The following CFAP299 variants were observed in gnomAD, a reference collection of about 807,000 sequenced individuals.
CFAP299 encodes cilia and flagella associated protein 299.
Under a neutral mutation model 27.0 loss-of-function variants are expected in CFAP299, and 21 were observed. The observed-to-expected ratio is 0.78, with a 90% confidence interval of 0.55 to 1.12. The LOEUF (loss-of-function observed/expected upper bound fraction) is 1.12, where lower values mean the gene tolerates loss of function less well. Ranked by LOEUF, CFAP299 falls within the 50% of genes most tolerant of loss-of-function variation. CFAP299 has a pLI of 0.00. For missense variants in CFAP299, 310 were observed against 276.6 expected (o/e 1.12, Z -0.86); for synonymous variants, 104 against 98.1 (o/e 1.06, Z -0.36).
intron 2 of CFAP299, among the ~76,000 whole-genome samples, chr4:80,399,099 A>G (rs2110046773): frequency 6.6e-6 from 1 of 152,376 alleles, no homozygotes; most frequent in East Asian, 1.9e-4. Context: ...AATGCTCATC[A>G]TCACTGGCCA....
chr4:80,566,984 G>A (rs868424699), intron 2 of CFAP299, among the ~76,000 whole-genome samples: 4 of 150,594 alleles, frequency 2.7e-5, no homozygotes, highest in African/African-American at 4.9e-5. Context: ...AATTTCTTAC[G>A]GAGAAGCCAA....
At chr4:80,408,469 T>A (rs1340247290) in intron 2 of CFAP299, among the ~76,000 whole-genome samples, 2 of 152,240 alleles carry the variant, frequency 1.3e-5, no homozygotes, top group African/African-American at 2.4e-5. Flanking sequence ...TTGCCCTTTT[T>A]AAAAATCTAT....
intron 3 of CFAP299, among the ~76,000 whole-genome samples, chr4:80,855,510 C>T (rs1429035016): frequency 6.6e-6 from 1 of 152,156 alleles, no homozygotes; most frequent in Admixed American, 6.5e-5. Context: ...CACCGACTAA[C>T]TCGTCATCTA....
chr4:80,436,794 T>C (rs1236353134), intron 2 of CFAP299, among the ~76,000 whole-genome samples: 1 of 152,142 alleles, frequency 6.6e-6, no homozygotes, highest in Non-Finnish European at 1.5e-5. Context: ...CTGTCTTTTG[T>C]CCCCTGCATT....
chr4:80,447,802 T>A (rs1728719695), intron 2 of CFAP299, among the ~76,000 whole-genome samples: 1 of 152,218 alleles, frequency 6.6e-6, no homozygotes, highest in Non-Finnish European at 1.5e-5. Context: ...TTTGACATAA[T>A]CCTCCCACCC....
At chr4:80,321,603 T>A in the CFAP299 span, among the ~76,000 whole-genome samples, 10 of 152,056 alleles carry the variant, frequency 6.6e-5, no homozygotes, top group Non-Finnish European at 1.5e-4. Context: ...GGGGAGGTGG[T>A]GTTCAAAGAC....
intron 4 of CFAP299, among the ~76,000 whole-genome samples, chr4:80,921,037 G>A (rs1266399856): frequency 6.6e-6 from 1 of 151,934 alleles, no homozygotes; most frequent in Non-Finnish European, 1.5e-5. Context: ...CTAAGTTTTT[G>A]TAGCGTTTCC....
At chr4:80,604,878 A>G (rs865955815) in intron 3 of CFAP299, among the ~76,000 whole-genome samples, 7 of 101,510 alleles carry the variant, frequency 6.9e-5, no homozygotes, top group South Asian at 4.7e-4. Flanking sequence ...TCCCCAGAGG[A>G]CAATATAATA....
At chr4:80,730,392 A>G (rs1723449872) in intron 3 of CFAP299, among the ~76,000 whole-genome samples, 1 of 151,686 alleles carries the variant, frequency 6.6e-6, no homozygotes, top group Admixed American at 6.6e-5. Flanking sequence ...TGGTTGTGTC[A>G]CTGAGGCCAT....
chr4:80,950,079 G>A (rs1176344996), intron 5 of CFAP299, among the ~76,000 whole-genome samples: 1 of 152,084 alleles, frequency 6.6e-6, no homozygotes, highest in African/African-American at 2.4e-5. Context: ...CTTATATTAT[G>A]TATATCTATC....
chr4:80,840,636 TG>T (rs1212162171), intron 3 of CFAP299, among the ~76,000 whole-genome samples: 1 of 152,148 alleles, frequency 6.6e-6, no homozygotes, highest in Non-Finnish European at 1.5e-5. Context: ...TGGTTTGTTT[TG>T]ATTTTTTTCC....
At chr4:80,536,411 A>G (rs1222388859) in intron 2 of CFAP299, among the ~76,000 whole-genome samples, 1 of 152,170 alleles carries the variant, frequency 6.6e-6, no homozygotes, top group Non-Finnish European at 1.5e-5. Context: ...TTTGAAAGCA[A>G]TCTTGAGCAA....
At chr4:80,362,723 C>T in intron 1 of CFAP299, 31 bp from the exon 2 acceptor site, 3 of 1,568,698 alleles carry the variant, frequency 1.9e-6, no homozygotes, top group Non-Finnish European at 2.6e-6. Context: ...TCTCATTTGC[C>T]CACTCACCTA....
At chr4:80,660,467 AT>A (rs746511064) in intron 3 of CFAP299, among the ~76,000 whole-genome samples, 2 of 152,228 alleles carry the variant, frequency 1.3e-5, no homozygotes, top group Admixed American at 6.5e-5. Flanking sequence ...GTTAGGCATA[AT>A]AATGTCAGGA....
At chr4:80,534,878 TA>T (rs1733651041) in intron 2 of CFAP299, among the ~76,000 whole-genome samples, 1 of 152,168 alleles carries the variant, frequency 6.6e-6, no homozygotes, top group African/African-American at 2.4e-5. Flanking sequence ...TCCCTTTTTG[TA>T]AAATGTAAGA....
intron 2 of CFAP299, among the ~76,000 whole-genome samples, chr4:80,429,952 G>GT (rs199893567): frequency 2.7e-3 from 402 of 151,360 alleles, no homozygotes; most frequent in African/African-American, 9.3e-3. Flanking sequence ...TTATTTCCAA[G>GT]TTTTTTTTTA....
At chr4:80,858,373 A>C (rs1407815538) in intron 3 of CFAP299, among the ~76,000 whole-genome samples, 1 of 151,826 alleles carries the variant, frequency 6.6e-6, no homozygotes, top group Non-Finnish European at 1.5e-5. Context: ...TGGATTCATT[A>C]ATTTTTTGAA....
chr4:80,860,528 T>C (rs1371911196), intron 3 of CFAP299, among the ~76,000 whole-genome samples: 5 of 152,146 alleles, frequency 3.3e-5, no homozygotes, highest in South Asian at 2.1e-4. Context: ...TTTTTCCCCA[T>C]CTTTGTGGTT....
At chr4:80,922,754 A>G (rs1452325035) in intron 4 of CFAP299, among the ~76,000 whole-genome samples, 1 of 151,554 alleles carries the variant, frequency 6.6e-6, no homozygotes, top group Non-Finnish European at 1.5e-5. Context: ...TATAAGGTAT[A>G]AACAAGAAAA....
Sources: gnomAD v4.1 joint callset for allele counts (sites outside exome capture counted in the v4.1 genomes callset) on GRCh38, gnomAD v4.1.1 for gene constraint, MANE v1.5 for transcripts, NCBI Gene and HGNC (gene_info 2026-07-23, HGNC 2026-07-21) for gene names.